The following ADGRV1 variants were observed in gnomAD, a reference collection of about 807,000 sequenced individuals.
ADGRV1 encodes the protein adhesion G protein-coupled receptor V1, also known as G-protein coupled receptor 98.
Under a neutral mutation model 596.2 loss-of-function variants are expected in ADGRV1, and 359 were observed. The ratio of observed to expected loss-of-function variants is 0.60; its 90% CI spans 0.55 to 0.66. The LOEUF is 0.66. Among genes scored for constraint, ADGRV1 ranks in the 30% least tolerant of loss-of-function variants. The pLI, the probability that ADGRV1 is intolerant of heterozygous loss-of-function variation, is 0.00. For synonymous variants in ADGRV1, 2,681 were observed against 2,679.2 expected (o/e 1.00, Z -0.02); for missense variants, 7,274 against 7,575.6 (o/e 0.96, Z 1.48).
intron 26 of ADGRV1, among the ~76,000 whole-genome samples, chr5:90,680,352 A>C (rs62375106): frequency 0.34 from 50,550 of 149,980 alleles, 8,820 homozygotes; most frequent in Admixed American, 0.48. Flanking sequence ...AAGACTCTGT[A>C]TCAAAGAAAA....
chr5:90,635,070 A>T (rs770648016), intron 9 of ADGRV1, 44 bp from the exon 10 acceptor site: 14 of 1,302,726 alleles, frequency 1.1e-5, no homozygotes, highest in Non-Finnish European at 1.2e-5. Flanking sequence ...AAAAATTTAT[A>T]TTCTATCAAT....
intron 50 of ADGRV1, among the ~76,000 whole-genome samples, 171 bp downstream of exon 50, chr5:90,729,935 C>G (rs1382193813): frequency 2.0e-5 from 3 of 151,774 alleles, no homozygotes; most frequent in Non-Finnish European, 4.4e-5. Context: ...GGGGCAATCT[C>G]TGCTCACTGC....
intron 85 of ADGRV1, among the ~76,000 whole-genome samples, chr5:91,043,109 T>TA (rs1785504648): frequency 6.6e-6 from 1 of 152,190 alleles, no homozygotes; most frequent in African/African-American, 2.4e-5. Context: ...ATGTAACTCT[T>TA]ATGAGAAGAG....
intron 86 of ADGRV1, among the ~76,000 whole-genome samples, chr5:91,099,248 T>A (rs1394497136): frequency 6.6e-6 from 1 of 152,010 alleles, no homozygotes; most frequent in Non-Finnish European, 1.5e-5. Flanking sequence ...CGGTCCCTTC[T>A]AAAGCCTTAT....
chr5:90,859,186 G>A (rs577933154), intron 82 of ADGRV1, among the ~76,000 whole-genome samples: 1 of 152,104 alleles, frequency 6.6e-6, no homozygotes, highest in Non-Finnish European at 1.5e-5. Context: ...TATTGCTCAG[G>A]CTGGTCTCTA....
intron 84 of ADGRV1, among the ~76,000 whole-genome samples, chr5:90,977,967 C>G (rs145938234): frequency 6.6e-6 from 1 of 152,082 alleles, no homozygotes; most frequent in Non-Finnish European, 1.5e-5. Flanking sequence ...TGATATATAA[C>G]TTTATGTTTG....
chr5:90,808,800 G>T (rs370228076), intron 73 of ADGRV1, among the ~76,000 whole-genome samples: 1 of 152,120 alleles, frequency 6.6e-6, no homozygotes, highest in African/African-American at 2.4e-5. Flanking sequence ...GGAGGCTGAG[G>T]CAGGAGAATC....
At chr5:91,029,464 C>T (rs918856577) in intron 85 of ADGRV1, among the ~76,000 whole-genome samples, 1 of 152,098 alleles carries the variant, frequency 6.6e-6, no homozygotes. Flanking sequence ...TACATATGTG[C>T]AAAGTTTCTC....
intron 83 of ADGRV1, among the ~76,000 whole-genome samples, chr5:90,905,460 A>G (rs1176799295): frequency 2.0e-5 from 3 of 151,936 alleles, no homozygotes; most frequent in African/African-American, 7.2e-5. Flanking sequence ...CTTTGGTTAA[A>G]TTAATTCCTA....
intron 20 of ADGRV1, chr5:90,655,528 A>G (rs1435722918): frequency 6.6e-6 from 1 of 152,226 alleles, no homozygotes; most frequent in Non-Finnish European, 1.5e-5. Flanking sequence ...TGATGAACAT[A>G]TGCCTGCCAT....
intron 1 of ADGRV1, 63 bp downstream of exon 1, chr5:90,558,980 T>A: frequency 2.8e-6 from 4 of 1,424,858 alleles, no homozygotes; most frequent in Non-Finnish European, 3.8e-6. Context: ...CGCCTCAGCA[T>A]CAGCACCTGT....
At chr5:90,800,583 G>A (rs958390415) in intron 70 of ADGRV1, among the ~76,000 whole-genome samples, 13 of 152,074 alleles carry the variant, frequency 8.5e-5, no homozygotes, top group South Asian at 2.1e-4. Context: ...GGCATATACC[G>A]AAAGGATTAT....
chr5:90,994,676 C>T (rs181121740), intron 85 of ADGRV1, among the ~76,000 whole-genome samples: 26 of 152,246 alleles, frequency 1.7e-4, no homozygotes, highest in African/African-American at 6.0e-4. Context: ...TTTTAGAAAT[C>T]ATAAATTTTT....
chr5:90,986,123 T>C (rs1780484763), intron 85 of ADGRV1, among the ~76,000 whole-genome samples: 1 of 148,522 alleles, frequency 6.7e-6, no homozygotes, highest in Admixed American at 6.8e-5. Flanking sequence ...TATATATATA[T>C]ATATGTGACT....
intron 85 of ADGRV1, among the ~76,000 whole-genome samples, chr5:90,991,691 A>G (rs549702556): frequency 6.6e-6 from 1 of 152,206 alleles, no homozygotes; most frequent in Non-Finnish European, 1.5e-5. Context: ...GAACTAAATT[A>G]CCAGTTTTGC....
At chr5:91,118,277 G>C (rs1793022089) in intron 87 of ADGRV1, among the ~76,000 whole-genome samples, 1 of 151,932 alleles carries the variant, frequency 6.6e-6, no homozygotes, top group Admixed American at 6.6e-5. Context: ...GGGAAATACT[G>C]TTGAAAAGGC....
chr5:90,784,585 G>T (rs932164550), intron 67 of ADGRV1, among the ~76,000 whole-genome samples: 5 of 152,172 alleles, frequency 3.3e-5, no homozygotes, highest in Non-Finnish European at 7.3e-5. Context: ...CATTTGGGCA[G>T]AAGGAACAAT....
chr5:91,064,189 C>T (rs1468986976), intron 85 of ADGRV1, among the ~76,000 whole-genome samples: 1 of 152,080 alleles, frequency 6.6e-6, no homozygotes, highest in Non-Finnish European at 1.5e-5. Flanking sequence ...GTGCAAAGCC[C>T]TGGGAGAAAT....
chr5:90,948,518 T>C (rs530035255), intron 83 of ADGRV1, among the ~76,000 whole-genome samples: 1 of 152,224 alleles, frequency 6.6e-6, no homozygotes, highest in African/African-American at 2.4e-5. Flanking sequence ...ACACATGGTA[T>C]CCTATGACCC....
Sources: gnomAD v4.1 joint callset for allele counts (sites outside exome capture counted in the v4.1 genomes callset) on GRCh38, gnomAD v4.1.1 for gene constraint, MANE v1.5 for transcripts, NCBI Gene and HGNC (gene_info 2026-07-23, HGNC 2026-07-21) for gene names.